The following AP3B1 variants were observed in gnomAD, a reference collection of about 807,000 sequenced individuals.
The protein encoded by AP3B1 is AP-3 complex subunit beta-1.
A neutral mutation model predicts 132.5 loss-of-function variants in AP3B1; 61 were observed. That is an observed-to-expected ratio of 0.46 (90% CI 0.37 to 0.57). AP3B1 has a LOEUF of 0.57. Ranked by LOEUF, AP3B1 falls within the 20% of genes least tolerant of loss-of-function variation. AP3B1 has a pLI of 0.00. For synonymous variants in AP3B1, 388 were observed against 438.3 expected (o/e 0.89, Z 1.43); for missense variants, 1,120 against 1,289.4 (o/e 0.87, Z 2.01).
chr5:78,115,772 G>A (rs1751799094), intron 18 of AP3B1, among the ~76,000 whole-genome samples: 1 of 152,102 alleles, frequency 6.6e-6, no homozygotes, highest in Non-Finnish European at 1.5e-5. Context: ...TTACGTTTTT[G>A]TAAAAGAAAG....
chr5:78,039,364 T>C (rs1003882349), intron 22 of AP3B1, 90 bp from the exon 23 acceptor site: 2 of 1,027,210 alleles, frequency 1.9e-6, no homozygotes, highest in Admixed American at 1.8e-5. Flanking sequence ...CATTTAATTC[T>C]TGGTTCCCCT....
intron 20 of AP3B1, among the ~76,000 whole-genome samples, chr5:78,102,211 G>A (rs748441655): frequency 3.9e-5 from 6 of 152,046 alleles, no homozygotes; most frequent in Admixed American, 6.5e-5. Context: ...TTTACACAGT[G>A]TTAGAGCTCC....
chr5:78,053,678 C>CAAAAAAAAAA (rs1166305470), intron 22 of AP3B1, among the ~76,000 whole-genome samples: 2 of 75,572 alleles, frequency 2.6e-5, no homozygotes, highest in Non-Finnish European at 2.5e-5. Context: ...GACTCCATCT[C>CAAAAAAAAAA]AAAAAAAAAA....
At position 78,066,947 on chromosome 5, in the gene AP3B1, T is replaced by C. The variant is rs116761990; in HGVS notation, c.2577+22446A>G. 5.3e-3 allele frequency among the ~76,000 whole-genome samples: 800 copies of C among 152,166 alleles called. 8 individuals are homozygous for C. Among genetic ancestry groups the C allele is most frequent in the African/African-American group, 0.018 (758 of 41,514 alleles). On this transcript the variant is annotated intron_variant, in intron 22 of 26. Coordinates refer to ENST00000255194, the MANE Select transcript of AP3B1 (RefSeq NM_003664.5). ...CAGATCACCTACAAAGGGAAGCCCA[T>C]CAGACTGACAGCAGACCTCTCACAG...
At chr5:78,175,945 A>T (rs1228898119) in intron 9 of AP3B1, 107 bp from the exon 10 acceptor site, 2 of 900,878 alleles carry the variant, frequency 2.2e-6, no homozygotes, top group East Asian at 4.8e-5. Flanking sequence ...AGTGAATGAG[A>T]CTCTTAAATG....
At chr5:78,063,882 A>G (rs1050664914) in intron 22 of AP3B1, among the ~76,000 whole-genome samples, 4 of 152,196 alleles carry the variant, frequency 2.6e-5, no homozygotes, top group African/African-American at 9.6e-5. Context: ...TTTAAAAATG[A>G]TAAAATATGT....
chr5:78,125,557 T>C (rs529037935), intron 17 of AP3B1, among the ~76,000 whole-genome samples: 59 of 152,266 alleles, frequency 3.9e-4, no homozygotes, highest in African/African-American at 1.4e-3. Flanking sequence ...GTATTGTAGC[T>C]GCATTTAAAA....
chr5:78,212,195 G>A (rs1745768491), intron 7 of AP3B1, among the ~76,000 whole-genome samples: 2 of 152,102 alleles, frequency 1.3e-5, no homozygotes, highest in Admixed American at 6.6e-5. Context: ...CAGACGAATC[G>A]CTTCAACCCA....
chr5:78,078,037 T>C (rs1749833427), intron 22 of AP3B1, among the ~76,000 whole-genome samples: 1 of 152,216 alleles, frequency 6.6e-6, no homozygotes, highest in African/African-American at 2.4e-5. Context: ...CATAACCTGA[T>C]GGCTTTAGGA....
At chr5:78,252,796 G>T (rs1233388976) in intron 2 of AP3B1, among the ~76,000 whole-genome samples, 1 of 152,186 alleles carries the variant, frequency 6.6e-6, no homozygotes, top group Non-Finnish European at 1.5e-5. Context: ...CCGGGGCCTG[G>T]GGGAGCTCGC....
intron 6 of AP3B1, among the ~76,000 whole-genome samples, chr5:78,219,587 T>C (rs539747220): frequency 1.2e-3 from 179 of 152,174 alleles, no homozygotes; most frequent in African/African-American, 4.0e-3. Context: ...AGTTGTAAGG[T>C]TTCTGTAATA....
intron 7 of AP3B1, among the ~76,000 whole-genome samples, chr5:78,210,464 G>A (rs1359365261): frequency 2.0e-5 from 3 of 152,046 alleles, no homozygotes; most frequent in African/African-American, 4.8e-5. Context: ...TTTGGACTTT[G>A]TTAAACTTAT....
intron 1 of AP3B1, among the ~76,000 whole-genome samples, chr5:78,282,885 C>T (rs1385242685): frequency 1.3e-5 from 2 of 149,392 alleles, no homozygotes; most frequent in Non-Finnish European, 3.0e-5. Flanking sequence ...CATGGTGATA[C>T]ATGTCTGCAG....
At chr5:78,073,282 C>T (rs1030918844) in intron 22 of AP3B1, among the ~76,000 whole-genome samples, 2 of 152,056 alleles carry the variant, frequency 1.3e-5, no homozygotes, top group Admixed American at 1.3e-4. Flanking sequence ...TATTAATTTC[C>T]ATACCATGCC....
intron 1 of AP3B1, among the ~76,000 whole-genome samples, chr5:78,270,903 G>A (rs1387603505): frequency 4.6e-5 from 7 of 151,954 alleles, no homozygotes; most frequent in Non-Finnish European, 1.0e-4. Flanking sequence ...TTCTCCATTC[G>A]CATTTGTGAC....
chr5:78,097,626 C>G (rs557839061), intron 21 of AP3B1, among the ~76,000 whole-genome samples: 5 of 143,342 alleles, frequency 3.5e-5, no homozygotes, highest in Non-Finnish European at 7.8e-5. Context: ...GCCCCCTGCC[C>G]GGCCAGCCGC....
intron 1 of AP3B1, among the ~76,000 whole-genome samples, chr5:78,286,307 A>G (rs1468635983): frequency 6.6e-6 from 1 of 152,184 alleles, no homozygotes; most frequent in African/African-American, 2.4e-5. Context: ...CAGATGTTCA[A>G]ACTTAATGGC....
intron 2 of AP3B1, among the ~76,000 whole-genome samples, chr5:78,262,797 C>T (rs949491351): frequency 6.6e-6 from 1 of 151,544 alleles, no homozygotes; most frequent in Non-Finnish European, 1.5e-5. Flanking sequence ...CTCAGCCTCC[C>T]AAGCAGCTGG....
In AP3B1 at chr5:78,156,454, A is replaced by T. The variant is rs138874397; in HGVS notation, c.1364-87T>A. ...TCGTAAAATGTAAACTTAAATTAGA[A>T]AAACATTCTATTTAATACAAGCCTT... On this transcript the variant is annotated intron_variant, in intron 13 of 26. Transcript: ENST00000255194. 1.9e-4 allele frequency: 191 copies of T among 999,082 alleles called. 1 individual carries two copies. The African/African-American group carries it at 2.9e-3, about 15-fold the overall frequency. The allele number at this position is 999,082 out of a possible 1,614,324, so 61.9% of individuals were successfully genotyped here.
Sources: gnomAD v4.1 joint callset for allele counts (sites outside exome capture counted in the v4.1 genomes callset) on GRCh38, gnomAD v4.1.1 for gene constraint, MANE v1.5 for transcripts, NCBI Gene and HGNC (gene_info 2026-07-23, HGNC 2026-07-21) for gene names.